HSPA12A: variants seen among roughly 807,000 people sequenced by gnomAD.
HSPA12A encodes heat shock protein family A (Hsp70) member 12A.
A neutral mutation model predicts 69.2 loss-of-function variants in HSPA12A; 28 were observed. The ratio of observed to expected loss-of-function variants is 0.40; its 90% CI spans 0.30 to 0.55. The LOEUF is 0.55. Among genes scored for constraint, HSPA12A ranks in the 20% least tolerant of loss-of-function variants. The pLI is 0.38. For missense variants in HSPA12A, 686 were observed against 900.7 expected, an observed-to-expected ratio of 0.76 and a Z score of 3.05; for synonymous variants, 345 against 370.5, an observed-to-expected ratio of 0.93 and a Z score of 0.79.
chr10:116,802,234 AG>A (rs1167065282), intron 2 of HSPA12A, among the ~76,000 whole-genome samples: 1 of 152,214 alleles, frequency 6.6e-6, no homozygotes, highest in Non-Finnish European at 1.5e-5. Context: ...CTCCCAGAGT[AG>A]GACAATAATC....
intron 3 of HSPA12A, among the ~76,000 whole-genome samples, chr10:116,701,979 T>C (rs904029228): frequency 1.3e-5 from 2 of 152,036 alleles, no homozygotes; most frequent in African/African-American, 4.8e-5. Flanking sequence ...CTCAGACCTA[T>C]CCTGGAGCAG....
chr10:116,845,295 T>G (rs1218753316), intron 1 of HSPA12A, among the ~76,000 whole-genome samples: 2 of 152,212 alleles, frequency 1.3e-5, no homozygotes, highest in African/African-American at 4.8e-5. Context: ...AATTTTGTTA[T>G]TGTTGTTAAA....
At chr10:116,794,885 C>G (rs1844784546) in intron 2 of HSPA12A, among the ~76,000 whole-genome samples, 1 of 151,814 alleles carries the variant, frequency 6.6e-6, no homozygotes, top group Non-Finnish European at 1.5e-5. Flanking sequence ...TTTAAATAAC[C>G]CTTTGGTCAA....
At chr10:116,721,872 T>C (rs1020072391) in intron 1 of HSPA12A, among the ~76,000 whole-genome samples, 1 of 152,210 alleles carries the variant, frequency 6.6e-6, no homozygotes, top group Non-Finnish European at 1.5e-5. Flanking sequence ...GGTGTGTACA[T>C]GTTATGAAAG....
rs1316329810 is a variant in HSPA12A, at chr10:116,675,449, G to A, written c.1391-31C>T. 3.3e-6 allele frequency: 5 copies of A among 1,522,634 alleles called. No homozygotes were observed. Among genetic ancestry groups the A allele is most frequent in the East Asian group, 2.4e-5 (1 of 41,920 alleles). The allele number at this position is 1,522,634 out of a possible 1,614,324, so 94.3% of individuals were successfully genotyped here. ...AGGGAAGAGGCAGGGAGAATGTCCTGTCACCAAAAGCCAGCAAGGAAGGGG... is the reference window on the plus strand; with the variant it reads ...AGGGAAGAGGCAGGGAGAATGTCCTATCACCAAAAGCCAGCAAGGAAGGGG... On this transcript the variant is annotated intron_variant, in intron 11 of 11. Coordinates refer to ENST00000369209, the MANE Select transcript of HSPA12A (RefSeq NM_025015.3). This position sits in a 1 kb window ranked among gnomAD's most constrained non-coding sequence, Gnocchi z 5.2.
chr10:116,792,753 T>C (rs1458796046), intron 2 of HSPA12A, among the ~76,000 whole-genome samples: 1 of 149,660 alleles, frequency 6.7e-6, no homozygotes, highest in East Asian at 2.0e-4. Flanking sequence ...TGCCACTAAC[T>C]GCACTCCAGC....
intron 2 of HSPA12A, among the ~76,000 whole-genome samples, chr10:116,777,485 A>C (rs1333599772): frequency 1.3e-5 from 2 of 152,120 alleles, no homozygotes; most frequent in Non-Finnish European, 2.9e-5. Context: ...CCTCACACCC[A>C]GTTCCCAAGA....
intron 1 of HSPA12A, among the ~76,000 whole-genome samples, chr10:116,844,284 A>G (rs1845846174): frequency 2.0e-5 from 3 of 152,350 alleles, no homozygotes; most frequent in South Asian, 4.1e-4. Flanking sequence ...AAAATGCCCA[A>G]TCAAAGGTAG....
rs1554879481 is a variant in HSPA12A, at chr10:116,686,143, A to T, written c.664-2181T>A. On this transcript the variant is annotated intron_variant, in intron 6 of 11. Coordinates refer to ENST00000369209, the MANE Select transcript of HSPA12A (RefSeq NM_025015.3). This position sits in a 1 kb window ranked among gnomAD's most constrained non-coding sequence, Gnocchi z 4.1. ...TCCCCAGCTTCACTCTCACAGGGTC[A>T]CATTAGACATCCTTAGCACAAACAT... is the stretch of plus-strand genomic sequence containing the variant. Among the ~76,000 whole-genome samples, 1 of 152,192 alleles carries T rather than the reference A, an allele frequency of 6.6e-6. No individual in the cohort carries two copies. The highest frequency in any genetic ancestry group is 2.4e-5 in the African/African-American group (1 of 41,452).
At chr10:116,773,536 C>T (rs1281455907) in intron 2 of HSPA12A, among the ~76,000 whole-genome samples, 3 of 152,334 alleles carry the variant, frequency 2.0e-5, no homozygotes, top group Middle Eastern at 3.4e-3. Context: ...TCCCTTCTGT[C>T]ACCTCTGAAC....
chr10:116,763,276 GT>G lies in HSPA12A; in HGVS notation c.92-55992del, dbSNP rs532123133. 5.5e-4 allele frequency among the ~76,000 whole-genome samples: 84 copies of G among 152,274 alleles called. 2 individuals carry two copies. The highest frequency in any genetic ancestry group is 2.0e-3 in the African/African-American group (83 of 41,548). On this transcript the variant is annotated intron_variant, in intron 2 of 12. Transcript: ENST00000635765. ...TCTGGCTTTGCTTTTCTATCTCAAT[GT>G]ACATATGGGCTAGGAGAAGCCAAAT... is the stretch of plus-strand genomic sequence containing the variant.
chr10:116,816,044 G>A (rs576772094), intron 2 of HSPA12A, among the ~76,000 whole-genome samples: 1 of 152,256 alleles, frequency 6.6e-6, no homozygotes, highest in African/African-American at 2.4e-5. Context: ...CATCCTCTCT[G>A]GTGGGTGCTA....
chr10:116,750,144 A>G, intron 2 of HSPA12A: 1 of 593,956 alleles, frequency 1.7e-6, no homozygotes. Flanking sequence ...TATGCTCATG[A>G]GCTACCAAAA....
chr10:116,744,038 CTGCCTACG>C (rs1554887603), upstream of HSPA12A, among the ~76,000 whole-genome samples: 7 of 152,190 alleles, frequency 4.6e-5, no homozygotes, highest in Non-Finnish European at 2.9e-5. Context: ...AGGGCCCTTC[CTGCCTACG>C]TGCCTGCGAC....
Position 116,692,389 on chromosome 10 carries a change from G to C in HSPA12A, c.625C>G (p.Gln209Glu), listed in dbSNP as rs782245819. The C allele has an allele frequency of 6.2e-7, 1 of 1,614,150 alleles. No individual in the cohort carries two copies. The highest frequency in any genetic ancestry group is 8.5e-7 in the Non-Finnish European group (1 of 1,180,016). The change falls in exon 6 of 12, where the codon CAG (glutamine) becomes GAG (glutamate). Residue 209 changes from glutamine (Q) to glutamate (E), a missense_variant. Gln to Glu is a conservative substitution (Grantham distance 29). Transcript: ENST00000369209. ...TGTCTCATGAACTGCTTGGCCGGCT[G>C]CTTCCAGATGGCAGGCACCGTGATG... ...WVITVPAIWK[Q>E]PAKQFMRQAA...
chr10:116,726,049 A>G (rs1412195265), intron 1 of HSPA12A, among the ~76,000 whole-genome samples: 2 of 150,626 alleles, frequency 1.3e-5, no homozygotes, highest in Non-Finnish European at 2.9e-5. Context: ...ACACACACAC[A>G]CACACAACAG....
chr10:116,833,821 TTTTG>T (rs1845662933), intron 2 of HSPA12A, among the ~76,000 whole-genome samples: 2 of 152,188 alleles, frequency 1.3e-5, no homozygotes, highest in Non-Finnish European at 2.9e-5. Flanking sequence ...TGGGTTTTTG[TTTTG>T]TTTTATTTCC....
intron 2 of HSPA12A, among the ~76,000 whole-genome samples, chr10:116,811,241 G>A (rs2133183070): frequency 6.6e-6 from 1 of 152,290 alleles, no homozygotes; most frequent in Non-Finnish European, 1.5e-5. Flanking sequence ...GCTGGAGCTT[G>A]GTAAGCAAGG....
At chr10:116,843,629 T>A (rs1471277371) in intron 1 of HSPA12A, among the ~76,000 whole-genome samples, 1 of 152,232 alleles carries the variant, frequency 6.6e-6, no homozygotes, top group East Asian at 1.9e-4. Context: ...CTAGGCCTTG[T>A]TGGCTTCATC....
Sources: allele counts gnomAD v4.1 joint callset (sites outside exome capture counted in the v4.1 genomes callset), GRCh38; gene constraint gnomAD v4.1.1; non-coding constraint Gnocchi (gnomAD v3.1); transcripts MANE v1.5; gene names NCBI Gene and HGNC (gene_info 2026-07-23, HGNC 2026-07-21).